Variants in PBX1 observed in about 807,000 individuals in gnomAD.
PBX1 encodes PBX homeobox 1.
A neutral mutation model predicts 53.4 loss-of-function variants in PBX1; 6 were observed. That is an observed-to-expected ratio of 0.11 (90% CI 0.06 to 0.22). PBX1 has a LOEUF of 0.22. Among genes scored for constraint, PBX1 ranks in the 10% least tolerant of loss-of-function variants. PBX1 has a pLI of 1.00. For missense variants in PBX1, 251 were observed against 551.4 expected, an observed-to-expected ratio of 0.46 and a Z score of 5.46; for synonymous variants, 204 against 212.3, an observed-to-expected ratio of 0.96 and a Z score of 0.34.
At chr1:164,606,131 CAA>C (rs1207878885) in intron 2 of PBX1, among the ~76,000 whole-genome samples, 2 of 152,132 alleles carry the variant, frequency 1.3e-5, no homozygotes, top group Non-Finnish European at 2.9e-5. Flanking sequence ...TTTCATTATT[CAA>C]GAGTTGTAAT....
At chr1:164,576,527 G>T (rs1427186073) in intron 2 of PBX1, among the ~76,000 whole-genome samples, 1 of 152,220 alleles carries the variant, frequency 6.6e-6, no homozygotes, top group East Asian at 1.9e-4. Flanking sequence ...CACGTCACCG[G>T]CCGCCAGCGC....
chr1:164,798,396 CA>C (rs1668893967), intron 3 of PBX1, among the ~76,000 whole-genome samples: 1 of 152,184 alleles, frequency 6.6e-6, no homozygotes, highest in Non-Finnish European at 1.5e-5. Context: ...TATAGTTTTA[CA>C]GTATTGCTTT....
At position 164,851,503 on chromosome 1, in the gene PBX1, C is replaced by G. The variant is rs1671840079; in HGVS notation, c.*4827C>G. The G allele has an allele frequency of 5.3e-6, 1 of 189,278 alleles. No homozygotes were observed. The highest frequency in any genetic ancestry group is 1.1e-5 in the Non-Finnish European group (1 of 90,148). The allele number at this position is 189,278 out of a possible 1,614,324, so 11.7% of individuals were successfully genotyped here. On this transcript the variant is annotated 3_prime_UTR_variant, in exon 9 of 9. Transcript: ENST00000420696. ...CTTTTGTTAAAATAAATAAAACATT[C>G]AATGTTTTTCTCCTTTTCTCTCTTA...
chr1:164,623,611 C>T (rs767794195), intron 2 of PBX1, among the ~76,000 whole-genome samples: 8 of 152,156 alleles, frequency 5.3e-5, no homozygotes, highest in African/African-American at 1.9e-4. Flanking sequence ...GCCTTTTCCT[C>T]GTGCCTTGCA....
At chr1:164,661,228 G>A (rs1660468351) in intron 2 of PBX1, among the ~76,000 whole-genome samples, 1 of 152,142 alleles carries the variant, frequency 6.6e-6, no homozygotes. Context: ...GTAATGGTGG[G>A]GAAGGAATAC....
intron 2 of PBX1, chr1:164,626,191 G>T (rs1003033319): frequency 1.2e-5 from 9 of 769,672 alleles, no homozygotes; most frequent in Middle Eastern, 6.0e-4. Context: ...TTCATGACAT[G>T]GGCTGCTGTT....
chr1:164,823,923 G>C (rs16835223), intron 8 of PBX1, among the ~76,000 whole-genome samples: 2,813 of 152,216 alleles, frequency 0.018, 102 homozygotes, highest in African/African-American at 0.062. Flanking sequence ...GCTTGTTATA[G>C]TGAGATGTAT....
At chr1:164,615,439 T>G (rs1341464521) in intron 2 of PBX1, among the ~76,000 whole-genome samples, 1 of 152,156 alleles carries the variant, frequency 6.6e-6, no homozygotes, top group East Asian at 1.9e-4. Flanking sequence ...TAGAATAATT[T>G]TTTTTTTCTT....
chr1:164,758,483 T>C (rs1052490675), intron 2 of PBX1, among the ~76,000 whole-genome samples: 1 of 152,056 alleles, frequency 6.6e-6, no homozygotes, highest in African/African-American at 2.4e-5. Flanking sequence ...ATAGAGATGA[T>C]GCGAGCATCC....
downstream of PBX1, among the ~76,000 whole-genome samples, chr1:164,854,823 A>T (rs1444348582): frequency 3.9e-5 from 6 of 152,088 alleles, no homozygotes; most frequent in African/African-American, 7.2e-5. Flanking sequence ...TTCTAGATAG[A>T]TCAAAACGGT....
At chr1:164,734,711 T>C (rs1015020825) in intron 2 of PBX1, among the ~76,000 whole-genome samples, 2 of 152,186 alleles carry the variant, frequency 1.3e-5, no homozygotes, top group Non-Finnish European at 2.9e-5. Context: ...GTTTGATATA[T>C]TGAACAGTTG....
At chr1:164,828,864 A>G (rs537332655) in intron 8 of PBX1, 97 of 152,286 alleles carry the variant, frequency 6.4e-4, no homozygotes, top group African/African-American at 2.3e-3. Flanking sequence ...GTTCTTAGAC[A>G]AGCTTGTTTT....
chr1:164,688,813 C>T (rs1404496364), intron 2 of PBX1, among the ~76,000 whole-genome samples: 2 of 152,188 alleles, frequency 1.3e-5, no homozygotes, highest in Non-Finnish European at 2.9e-5. Context: ...GATCTGATTT[C>T]CTGAACTCTT....
chr1:164,731,376 C>T (rs1664974018), intron 2 of PBX1, among the ~76,000 whole-genome samples: 2 of 151,980 alleles, frequency 1.3e-5, no homozygotes, highest in South Asian at 4.2e-4. Context: ...GATGAGGTCC[C>T]TGCTATTTAT....
chr1:164,658,403 T>C (rs1409897666), intron 2 of PBX1, among the ~76,000 whole-genome samples: 1 of 152,192 alleles, frequency 6.6e-6, no homozygotes, highest in Admixed American at 6.5e-5. Context: ...TTTCAGTTCT[T>C]GCCTTTCCAA....
At chr1:164,779,570 TG>T (rs1337801782) in intron 2 of PBX1, among the ~76,000 whole-genome samples, 1 of 152,198 alleles carries the variant, frequency 6.6e-6, no homozygotes, top group African/African-American at 2.4e-5. Context: ...AAAGCAAATT[TG>T]GCTTCTAAGA....
chr1:164,620,205 A>T (rs986469931), intron 2 of PBX1, among the ~76,000 whole-genome samples: 2 of 152,140 alleles, frequency 1.3e-5, no homozygotes, highest in Non-Finnish European at 2.9e-5. Flanking sequence ...GCAAATCTTT[A>T]TAGAAAAACA....
intron 2 of PBX1, among the ~76,000 whole-genome samples, chr1:164,606,076 G>C (rs1326010943): frequency 4.6e-5 from 7 of 152,324 alleles, no homozygotes. Context: ...GCTGTGGGTA[G>C]TGTAAGAGCA....
In PBX1 at chr1:164,764,999, TA is replaced by T. The variant is rs527324828; in HGVS notation, c.266-27494del. 3.1e-3 allele frequency among the ~76,000 whole-genome samples: 470 copies of T among 152,310 alleles called. 1 individual carries two copies. Among genetic ancestry groups the T allele is most frequent in the Non-Finnish European group, 5.6e-3 (378 of 68,018 alleles). On this transcript the variant is annotated intron_variant, in intron 2 of 8. Coordinates refer to ENST00000420696, the MANE Select transcript of PBX1 (RefSeq NM_002585.4). ...TGGTCTTCTTTGGGAAGGAATTTTC[TA>T]GCACTGGAGGACAGGTTTCCATATA... is the stretch of plus-strand genomic sequence containing the variant.
Sources: allele counts gnomAD v4.1 joint callset (sites outside exome capture counted in the v4.1 genomes callset), GRCh38; gene constraint gnomAD v4.1.1; transcripts MANE v1.5; gene names NCBI Gene and HGNC (gene_info 2026-07-23, HGNC 2026-07-21).